Variants in CCBE1 observed in about 807,000 individuals in gnomAD.
CCBE1 encodes collagen and calcium-binding EGF domain-containing protein 1.
CCBE1 carries 37 observed loss-of-function variants against 50.0 expected under a neutral mutation model. That is an observed-to-expected ratio of 0.74 (90% CI 0.57 to 0.97). The LOEUF (loss-of-function observed/expected upper bound fraction) is 0.97. Ranked by LOEUF, CCBE1 falls within the 50% of genes least tolerant of loss-of-function variation. The pLI, the probability that CCBE1 is intolerant of heterozygous loss-of-function variation, is 0.00. For synonymous variants in CCBE1, 234 were observed against 203.7 expected (o/e 1.15, Z -1.27); for missense variants, 538 against 523.8 (o/e 1.03, Z -0.26).
chr18:59,519,222 A>G (rs1047790665), intron 2 of CCBE1, among the ~76,000 whole-genome samples: 2 of 152,200 alleles, frequency 1.3e-5, no homozygotes, highest in Non-Finnish European at 2.9e-5. Flanking sequence ...GCTGTGGTCC[A>G]GCTTTTTAGC....
chr18:59,691,914 G>A (rs553147246), intron 2 of CCBE1, among the ~76,000 whole-genome samples: 2 of 152,150 alleles, frequency 1.3e-5, no homozygotes, highest in African/African-American at 4.8e-5. Context: ...CATAATCCTG[G>A]GGAAGGGATG....
intron 2 of CCBE1, among the ~76,000 whole-genome samples, chr18:59,665,869 A>G (rs2144697735): frequency 6.6e-6 from 1 of 152,328 alleles, no homozygotes; most frequent in Non-Finnish European, 1.5e-5. Context: ...AAGCAGGAAC[A>G]CTGTGTGGGC....
chr18:59,516,825 G>T (rs959562011), intron 2 of CCBE1, among the ~76,000 whole-genome samples: 10 of 152,212 alleles, frequency 6.6e-5, no homozygotes, highest in African/African-American at 2.4e-4. Context: ...ACAGGTGAGT[G>T]TCTGCAAGCT....
chr18:59,480,432 G>A (rs893075734), intron 2 of CCBE1, among the ~76,000 whole-genome samples, 194 bp from the exon 3 acceptor site: 6 of 152,022 alleles, frequency 3.9e-5, no homozygotes, highest in Admixed American at 2.0e-4. Flanking sequence ...TTCTAATACC[G>A]GGATATTCTT....
rs118160750 is a variant in CCBE1, at chr18:59,550,066, C to T, written c.213-69828G>A. 2.6e-3 allele frequency among the ~76,000 whole-genome samples: 391 copies of T among 152,278 alleles called. 12 individuals are homozygous for T. In the South Asian group the frequency reaches 0.041, roughly 16 times the overall value. On this transcript the variant is annotated intron_variant, in intron 2 of 10. Transcript: ENST00000439986. ...CCTTAAAGCATCTCTGGGTCCAATC[C>T]GGTTTGCTTTGTTTATCCCCAGCTT...
chr18:59,433,890 C>CTTT lies in CCBE1; in HGVS notation c.*2017_*2018insAAA. 1.2e-5 allele frequency: 1 copy of CTTT among 84,348 alleles called. No homozygotes were observed. The highest frequency in any genetic ancestry group is 2.3e-5 in the Non-Finnish European group (1 of 44,318). The allele number at this position is 84,348 out of a possible 1,614,324, so 5.2% of individuals were successfully genotyped here. ...TACAGGCATGAGCCACCAAGCCCGG[C>CTTT]CTTTTTTTTTTTTTTTTTTTTTTTT... is the stretch of plus-strand genomic sequence containing the variant. On this transcript the variant is annotated 3_prime_UTR_variant, in exon 11 of 11. Transcript: ENST00000439986.
rs574362382 is a variant in CCBE1 at position 59,640,002 on chromosome 18, A to T, written c.212+56627T>A. Among the ~76,000 whole-genome samples the T allele has an allele frequency of 7.9e-5, 12 of 152,310 alleles. No homozygotes were observed. The South Asian group carries it at 2.3e-3, about 29-fold the overall frequency. The stretch of plus-strand genomic sequence containing the variant: ...AAGAAATCAAAGATGACTCAAACAG[A>T]TGGAAAAACATTCCATGCTCACAGA... On this transcript the variant is annotated intron_variant, in intron 2 of 10. Transcript: ENST00000439986.
intron 5 of CCBE1, among the ~76,000 whole-genome samples, chr18:59,460,291 A>C (rs1018818712): frequency 6.6e-6 from 1 of 152,212 alleles, no homozygotes; most frequent in African/African-American, 2.4e-5. Flanking sequence ...TTTGATTTCA[A>C]ATTCCTCTGA....
intron 2 of CCBE1, among the ~76,000 whole-genome samples, chr18:59,567,126 C>CT (rs562135967): frequency 3.8e-4 from 57 of 151,116 alleles, no homozygotes; most frequent in Non-Finnish European, 6.9e-4. Flanking sequence ...CTTTTCTTTT[C>CT]TTTTTTTTTG....
intron 2 of CCBE1, among the ~76,000 whole-genome samples, chr18:59,590,965 C>CTA (rs1346002844): frequency 0.17 from 6,750 of 40,702 alleles, 2,538 homozygotes; most frequent in African/African-American, 0.49. Context: ...GCTAAGTAGG[C>CTA]CGGGCGCGGT....
At chr18:59,584,549 T>C (rs1437102224) in intron 2 of CCBE1, among the ~76,000 whole-genome samples, 1 of 152,114 alleles carries the variant, frequency 6.6e-6, no homozygotes, top group East Asian at 1.9e-4. Context: ...TGGGGCCTGG[T>C]GGGAAGTGAT....
intron 2 of CCBE1, among the ~76,000 whole-genome samples, chr18:59,663,115 AGGG>A (rs2054307050): frequency 6.6e-6 from 1 of 152,196 alleles, no homozygotes; most frequent in Non-Finnish European, 1.5e-5. Flanking sequence ...TGCTAGGGAT[AGGG>A]ATAGGAAGAA....
intron 2 of CCBE1, among the ~76,000 whole-genome samples, chr18:59,613,076 G>T (rs997982033): frequency 1.3e-5 from 2 of 152,038 alleles, no homozygotes; most frequent in African/African-American, 4.8e-5. Context: ...GGGGCTTGAG[G>T]TGGGGAGTGG....
At chr18:59,590,081 G>T (rs139369932) in intron 2 of CCBE1, among the ~76,000 whole-genome samples, 1 of 152,078 alleles carries the variant, frequency 6.6e-6, no homozygotes, top group Non-Finnish European at 1.5e-5. Context: ...TGTGAAACGC[G>T]AATTTCCACT....
rs1239501564 is a variant in CCBE1, at chr18:59,433,413, T to C, written c.*2495A>G. On this transcript the variant is annotated 3_prime_UTR_variant, in exon 11 of 11. Transcript: ENST00000439986. ...ATGTTAGTGGAGAGTCACCAGGAATTTTGCATAAATGAGACATAGAGGAGC... is the reference window on the plus strand; with the variant it reads ...ATGTTAGTGGAGAGTCACCAGGAATCTTGCATAAATGAGACATAGAGGAGC... The C allele has an allele frequency of 6.6e-6, 1 of 151,894 alleles. No homozygotes were observed. The highest frequency in any genetic ancestry group is 1.9e-4 in the East Asian group (1 of 5,156). The allele number at this position is 151,894 out of a possible 1,614,324, so 9.4% of individuals were successfully genotyped here. A position where few individuals can be genotyped will look rare whatever the true frequency, so the allele number is the denominator to read the frequency against.
At chr18:59,485,844 G>A (rs890678730) in intron 2 of CCBE1, among the ~76,000 whole-genome samples, 9 of 151,114 alleles carry the variant, frequency 6.0e-5, no homozygotes, top group Admixed American at 2.6e-4. Context: ...CAGGTGATCC[G>A]CCCGCCTCGG....
intron 2 of CCBE1, among the ~76,000 whole-genome samples, chr18:59,586,357 T>C (rs922099803): frequency 2.0e-5 from 3 of 152,194 alleles, no homozygotes; most frequent in African/African-American, 7.2e-5. Context: ...ACAAACACAC[T>C]TGAGAAGAAG....
rs11152147 is a variant in CCBE1 at position 59,439,229 on chromosome 18, G to A, written c.951+314C>T. Reference sequence around the variant, plus strand: ...GTGAACTCGGGAGGTGGAGCTTGCCGTGAGCTGAGATCGTGCCACTGCACT... The same window carrying A: ...GTGAACTCGGGAGGTGGAGCTTGCCATGAGCTGAGATCGTGCCACTGCACT... On this transcript the variant is annotated intron_variant, in intron 9 of 10. Coordinates refer to ENST00000439986, the MANE Select transcript of CCBE1 (RefSeq NM_133459.4). 0.53 allele frequency among the ~76,000 whole-genome samples: 79,743 copies of A among 151,866 alleles called. 21,243 individuals carry two copies. Among genetic ancestry groups the A allele is most frequent in the East Asian group, 0.68 (3,482 of 5,134 alleles).
chr18:59,470,871 T>C (rs1163589815), intron 3 of CCBE1, among the ~76,000 whole-genome samples: 2 of 152,034 alleles, frequency 1.3e-5, no homozygotes, highest in African/African-American at 4.8e-5. Flanking sequence ...GCAGGGAGGG[T>C]TTGTGTGACA....
Sources: allele counts gnomAD v4.1 joint callset (sites outside exome capture counted in the v4.1 genomes callset), GRCh38; gene constraint gnomAD v4.1.1; transcripts MANE v1.5; gene names NCBI Gene and HGNC (gene_info 2026-07-23, HGNC 2026-07-21).